ZNF395: variants seen among roughly 807,000 people sequenced by gnomAD.
ZNF395 encodes HD gene regulatory region-binding protein 2.
A neutral mutation model predicts 57.7 loss-of-function variants in ZNF395; 20 were observed. That is an observed-to-expected ratio of 0.35 (90% CI 0.24 to 0.50). ZNF395 has a LOEUF of 0.50. Among genes scored for constraint, ZNF395 ranks in the 20% least tolerant of loss-of-function variants. The pLI is 0.97. For synonymous variants in ZNF395, 295 were observed against 275.9 expected, an observed-to-expected ratio of 1.07 and a Z score of -0.69; for missense variants, 606 against 671.2, an observed-to-expected ratio of 0.90 and a Z score of 1.07.
chr8:28,367,102 A>G (rs938256952), intron 1 of ZNF395, among the ~76,000 whole-genome samples: 4 of 152,196 alleles, frequency 2.6e-5, no homozygotes, highest in Non-Finnish European at 5.9e-5. Flanking sequence ...GAGTGTGACA[A>G]TGTGGATTCT....
intron 1 of ZNF395, among the ~76,000 whole-genome samples, chr8:28,369,155 T>C (rs1259265368): frequency 6.6e-6 from 1 of 151,626 alleles, no homozygotes; most frequent in Non-Finnish European, 1.5e-5. Context: ...TTTTTTTTTT[T>C]TCATTTAGGA....
intron 1 of ZNF395, among the ~76,000 whole-genome samples, chr8:28,380,874 G>T (rs182035154): frequency 1.0e-3 from 154 of 152,294 alleles, no homozygotes; most frequent in African/African-American, 3.5e-3. Flanking sequence ...TTGAGACAGG[G>T]TCTCACTGTT....
At position 28,348,641 on chromosome 8, in the gene ZNF395, C is replaced by CT; in HGVS notation, c.*77dup. On this transcript the variant is annotated 3_prime_UTR_variant, in exon 10 of 10. Coordinates refer to ENST00000344423, the MANE Select transcript of ZNF395 (RefSeq NM_018660.3). ...TCCGTTCTTTCTCTTTCGGTTTCTG[C>CT]TGAGGGCTGGTGACACACTGGCCTC... 7.6e-7 allele frequency: 1 copy of CT among 1,322,828 alleles called. No individual in the cohort carries two copies. Among genetic ancestry groups the CT allele is most frequent in the Non-Finnish European group, 1.1e-6 (1 of 917,376 alleles). The allele number at this position is 1,322,828 out of a possible 1,614,324, so 81.9% of individuals were successfully genotyped here.
intron 8 of ZNF395, among the ~76,000 whole-genome samples, 182 bp from the exon 9 acceptor site, chr8:28,349,410 T>C (rs1193104393): frequency 6.6e-6 from 1 of 152,138 alleles, no homozygotes; most frequent in Non-Finnish European, 1.5e-5. Flanking sequence ...CAGGCCTTCA[T>C]GCCACACTCA....
intron 4 of ZNF395, among the ~76,000 whole-genome samples, chr8:28,355,558 A>G (rs1055542756): frequency 6.6e-6 from 1 of 152,070 alleles, no homozygotes; most frequent in Admixed American, 6.6e-5. Context: ...ACATACCCTC[A>G]TGATGGGAAC....
Position 28,351,705 on chromosome 8 carries a change from T to G in ZNF395, c.1023A>C (p.Ala341=). ...ESAAAAAAAA[A]GTPVPGTPTS... is the part of the protein sequence containing the mutation. The stretch of plus-strand genomic sequence containing the variant: ...TGGGAGTCCCAGGGACTGGGGTGCC[T>G]GCGGCAGCAGCAGCAGCAGCAGCAG... The change falls in exon 7 of 10, where the codon GCA becomes GCC. Residue 341 remains alanine (A), a synonymous_variant. Transcript: ENST00000344423. 1 of 1,610,436 alleles carries G rather than the reference T, an allele frequency of 6.2e-7. No individual in the cohort carries two copies. The highest frequency in any genetic ancestry group is 1.1e-5 in the South Asian group (1 of 91,072).
chr8:28,349,838 C>T (rs1801656929), intron 8 of ZNF395, among the ~76,000 whole-genome samples: 1 of 152,256 alleles, frequency 6.6e-6, no homozygotes, highest in Non-Finnish European at 1.5e-5. Context: ...TCTGGACATC[C>T]TCTACAAGCG....
At chr8:28,368,295 C>T (rs1391635230) in intron 1 of ZNF395, among the ~76,000 whole-genome samples, 2 of 152,126 alleles carry the variant, frequency 1.3e-5, no homozygotes, top group African/African-American at 4.8e-5. Context: ...CTCAAAGCAC[C>T]CACAAATGCT....
At position 28,358,157 on chromosome 8, in the gene ZNF395, T is replaced by C. The variant is rs576624934; in HGVS notation, c.474-1378A>G. 8.4e-3 allele frequency among the ~76,000 whole-genome samples: 1,205 copies of C among 144,262 alleles called. 19 individuals are homozygous for C. Among genetic ancestry groups the C allele is most frequent in the African/African-American group, 0.027 (1,052 of 38,972 alleles). The allele number at this position is 144,262 out of a possible 152,430, so 94.6% of individuals were successfully genotyped here. A position where few individuals can be genotyped will look rare whatever the true frequency, so the allele number is the denominator to read the frequency against. ...GGGTTTTTTTCTTTTTTTTCTTTTT[T>C]TTTTTTTTTTTTTTTGAGATGCAGT... On this transcript the variant is annotated intron_variant, in intron 3 of 9. Transcript: ENST00000344423.
At chr8:28,370,249 A>G (rs1801961175) in intron 1 of ZNF395, among the ~76,000 whole-genome samples, 1 of 152,214 alleles carries the variant, frequency 6.6e-6, no homozygotes, top group Non-Finnish European at 1.5e-5. Context: ...AAGGAGACAC[A>G]GGTTTCACCC....
chr8:28,348,556 C>A lies in ZNF395; in HGVS notation c.*163G>T. The A allele has an allele frequency of 1.6e-6, 1 of 639,820 alleles. No homozygotes were observed. The highest frequency in any genetic ancestry group is 1.8e-5 in the South Asian group (1 of 55,424). 39.6% of individuals were successfully genotyped at this position (639,820 alleles called of 1,614,324 possible). On this transcript the variant is annotated 3_prime_UTR_variant, in exon 10 of 10. Transcript: ENST00000344423. ...TTTTTTAAAAAATAAAATGTTCGCACAATGGGAGAAAATTGCTTTAAGTGT... is the reference window on the plus strand; with the variant it reads ...TTTTTTAAAAAATAAAATGTTCGCAAAATGGGAGAAAATTGCTTTAAGTGT...
chr8:28,374,135 C>T (rs921034658), intron 1 of ZNF395, among the ~76,000 whole-genome samples: 2 of 152,054 alleles, frequency 1.3e-5, no homozygotes, highest in Non-Finnish European at 2.9e-5. Flanking sequence ...AAAGGGAGAC[C>T]GGGCAGAGGT....
At chr8:28,383,518 G>A (rs1356641176) in intron 1 of ZNF395, among the ~76,000 whole-genome samples, 4 of 152,066 alleles carry the variant, frequency 2.6e-5, no homozygotes, top group Admixed American at 1.3e-4. Context: ...ATTCTACACC[G>A]TTCTAACCTC....
At position 28,356,006 on chromosome 8, in the gene ZNF395, C is replaced by A. The variant is rs1048952756; in HGVS notation, c.583+664G>T. Among the ~76,000 whole-genome samples, 4 of 152,202 alleles carry A rather than the reference C, an allele frequency of 2.6e-5. No homozygotes were observed. The highest frequency in any genetic ancestry group is 9.7e-5 in the African/African-American group (4 of 41,444). ...TCCCTGGGAGTAGGGTAGGCCAGCC[C>A]TGCCATGAATTTCCCAAAAAACTTC... is the stretch of plus-strand genomic sequence containing the variant. On this transcript the variant is annotated intron_variant, in intron 4 of 9. Transcript: ENST00000344423. This position sits in a 1 kb window ranked among gnomAD's most constrained non-coding sequence, Gnocchi z 4.0.
intron 1 of ZNF395, among the ~76,000 whole-genome samples, chr8:28,375,905 C>T (rs1002267703): frequency 2.0e-5 from 3 of 152,126 alleles, no homozygotes; most frequent in South Asian, 2.1e-4. Flanking sequence ...TGACTGAATG[C>T]GGGTGTTTTT....
At chr8:28,354,775 A>G (rs1470381188) in intron 4 of ZNF395, among the ~76,000 whole-genome samples, 1 of 152,024 alleles carries the variant, frequency 6.6e-6, no homozygotes, top group Non-Finnish European at 1.5e-5. Flanking sequence ...AAGAATCATT[A>G]AACAGGCCAA....
chr8:28,357,188 G>A lies in ZNF395; in HGVS notation c.474-409C>T, dbSNP rs546045810. Among the ~76,000 whole-genome samples, 15 of 152,124 alleles carry A rather than the reference G, an allele frequency of 9.9e-5. No individual in the cohort carries two copies. The South Asian group carries it at 2.9e-3, about 29-fold the overall frequency. On this transcript the variant is annotated intron_variant, in intron 3 of 9. Coordinates refer to ENST00000344423, the MANE Select transcript of ZNF395 (RefSeq NM_018660.3). ...AACACGAGGACAAAAGATGCCCACTGGAATTCAAAAGCACAACAATTACCT... is the reference window on the plus strand; with the variant it reads ...AACACGAGGACAAAAGATGCCCACTAGAATTCAAAAGCACAACAATTACCT...
intron 1 of ZNF395, among the ~76,000 whole-genome samples, chr8:28,378,518 G>A (rs998791089): frequency 2.6e-5 from 4 of 152,200 alleles, no homozygotes; most frequent in Admixed American, 2.0e-4. Flanking sequence ...TGAGATTACA[G>A]GCGTGAGTCA....
intron 1 of ZNF395, among the ~76,000 whole-genome samples, chr8:28,382,781 C>T (rs996499839): frequency 2.6e-5 from 4 of 152,122 alleles, no homozygotes; most frequent in Admixed American, 1.3e-4. Context: ...TCACTGAATG[C>T]GAAAACTCTC....
Sources: allele counts gnomAD v4.1 joint callset (sites outside exome capture counted in the v4.1 genomes callset), GRCh38; gene constraint gnomAD v4.1.1; non-coding constraint Gnocchi (gnomAD v3.1); transcripts MANE v1.5; gene names NCBI Gene and HGNC (gene_info 2026-07-23, HGNC 2026-07-21).